PRKN: variants seen among roughly 807,000 people sequenced by gnomAD.
PRKN encodes the protein parkin RBR E3 ubiquitin protein ligase.
Under a neutral mutation model 59.5 loss-of-function variants are expected in PRKN, and 56 were observed. The observed-to-expected ratio is 0.94, with a 90% CI of 0.76 to 1.18. The LOEUF (loss-of-function observed/expected upper bound fraction) is 1.18, where lower values mean the gene tolerates loss of function less well. PRKN is among the 50% of genes most tolerant of loss of function. The pLI, the probability that PRKN is intolerant of heterozygous loss-of-function variation, is 0.00. For synonymous variants in PRKN, 250 were observed against 222.1 expected (o/e 1.13, Z -1.12); for missense variants, 657 against 596.4 (o/e 1.10, Z -1.06).
chr6:162,470,578 G>C (rs971233528), intron 1 of PRKN, among the ~76,000 whole-genome samples: 6 of 149,312 alleles, frequency 4.0e-5, no homozygotes. Flanking sequence ...GCAACACTGC[G>C]AAACTCTGTC....
At chr6:162,225,408 G>C (rs978498223) in intron 3 of PRKN, among the ~76,000 whole-genome samples, 1 of 152,196 alleles carries the variant, frequency 6.6e-6, no homozygotes, top group Non-Finnish European at 1.5e-5. Flanking sequence ...TGTTGAACTT[G>C]AGAAATTCAG....
chr6:161,427,035 T>C (rs896497193), intron 9 of PRKN, among the ~76,000 whole-genome samples: 3 of 151,998 alleles, frequency 2.0e-5, no homozygotes, highest in African/African-American at 7.3e-5. Context: ...CTTATATTTT[T>C]GAGACAGGGT....
At chr6:162,295,323 C>T (rs1235422672) in intron 2 of PRKN, among the ~76,000 whole-genome samples, 3 of 152,160 alleles carry the variant, frequency 2.0e-5, no homozygotes, top group Non-Finnish European at 4.4e-5. Flanking sequence ...ACCATTTATA[C>T]TGGGGTTTGA....
At chr6:161,898,363 C>T (rs77885177) in intron 6 of PRKN, among the ~76,000 whole-genome samples, 3,714 of 152,218 alleles carry the variant, frequency 0.024, 141 homozygotes, top group African/African-American at 0.085. Flanking sequence ...GAAGGTCCCA[C>T]GAGCAATAAT....
At chr6:161,424,744 G>C (rs1361192266) in intron 9 of PRKN, among the ~76,000 whole-genome samples, 1 of 152,132 alleles carries the variant, frequency 6.6e-6, no homozygotes, top group Non-Finnish European at 1.5e-5. Flanking sequence ...AGAGGATGTA[G>C]GCAAAACCAC....
chr6:161,749,596 A>G (rs1207262903), intron 7 of PRKN, among the ~76,000 whole-genome samples: 1 of 152,024 alleles, frequency 6.6e-6, no homozygotes, highest in Non-Finnish European at 1.5e-5. Context: ...TGTACCTCTT[A>G]TCATTAAGAG....
intron 1 of PRKN, among the ~76,000 whole-genome samples, chr6:162,704,202 T>C (rs1366085577): frequency 6.6e-6 from 1 of 152,146 alleles, no homozygotes; most frequent in African/African-American, 2.4e-5. Flanking sequence ...AGCAGGGGAC[T>C]ATACCACCAG....
In PRKN at chr6:161,411,753, T is replaced by TTCACTCATTCCTTCAC. The variant is rs555582879; in HGVS notation, c.1084-24892_1084-24877dup. On this transcript the variant is annotated intron_variant, in intron 9 of 11. Transcript: ENST00000366898. ...ATTCCTCCACTCAGTCATTCCTCCATTCACTCATTCCTTCACTCACTCATT... is the reference window on the plus strand; with the variant it reads ...ATTCCTCCACTCAGTCATTCCTCCATTCACTCATTCCTTCACTCACTCATTCCTTCACTCACTCATT... Among the ~76,000 whole-genome samples, 6 of 147,904 alleles carry TTCACTCATTCCTTCAC rather than the reference T, an allele frequency of 4.1e-5. No individual in the cohort carries two copies. The South Asian group carries it at 1.3e-3, about 33-fold the overall frequency.
intron 2 of PRKN, among the ~76,000 whole-genome samples, chr6:162,328,747 G>A (rs1407647956): frequency 6.6e-6 from 1 of 152,176 alleles, no homozygotes; most frequent in African/African-American, 2.4e-5. Flanking sequence ...CTCCAGGGAT[G>A]AGGAGAATGG....
intron 1 of PRKN, among the ~76,000 whole-genome samples, chr6:162,457,386 T>A (rs969290877): frequency 2.0e-5 from 3 of 152,152 alleles, no homozygotes; most frequent in Admixed American, 2.0e-4. Context: ...AAAACATTTT[T>A]AAAATGATGC....
rs1562455038 is a variant in PRKN at position 161,446,262 on chromosome 6, C to A, written c.1084-59385G>T. Among the ~76,000 whole-genome samples the A allele has an allele frequency of 6.6e-6, 1 of 152,122 alleles. No individual in the cohort carries two copies. The highest frequency in any genetic ancestry group is 1.5e-5 in the Non-Finnish European group (1 of 68,016). ...GGAGAAGGGATTTCTCTGATTTCTC[C>A]CTTTGGGAAGGGAGGCTTGGAGGCT... On this transcript the variant is annotated intron_variant, in intron 9 of 11. Transcript: ENST00000366898. The surrounding 1 kb of genome is among the most constrained non-coding windows in gnomAD (Gnocchi z 6.2).
At chr6:162,123,980 T>C (rs1290814152) in intron 4 of PRKN, among the ~76,000 whole-genome samples, 1 of 152,154 alleles carries the variant, frequency 6.6e-6, no homozygotes, top group East Asian at 1.9e-4. Flanking sequence ...TTCTTCTTCC[T>C]GTTGAGTTGA....
chr6:161,382,694 A>G (rs1786050088), intron 10 of PRKN, among the ~76,000 whole-genome samples: 1 of 152,248 alleles, frequency 6.6e-6, no homozygotes, highest in Non-Finnish European at 1.5e-5. Flanking sequence ...ATCTTCTGTC[A>G]CTGCTTTCCC....
At position 161,566,257 on chromosome 6, in the gene PRKN, G is replaced by C. The variant is rs1044892963; in HGVS notation, c.933+3098C>G. On this transcript the variant is annotated intron_variant, in intron 8 of 11. Coordinates refer to ENST00000366898, the MANE Select transcript of PRKN (RefSeq NM_004562.3). This position sits in a 1 kb window ranked among gnomAD's most constrained non-coding sequence, Gnocchi z 4.1. ...CACTGCCCATGGTCAAGGTTACCAA[G>C]GACCTCCACATTGTGGAGTCCAGTG... 6.6e-6 allele frequency among the ~76,000 whole-genome samples: 1 copy of C among 152,152 alleles called. No homozygotes were observed. The highest frequency in any genetic ancestry group is 2.4e-5 in the African/African-American group (1 of 41,436).
At chr6:162,148,821 T>C (rs1285359590) in intron 4 of PRKN, among the ~76,000 whole-genome samples, 1 of 152,082 alleles carries the variant, frequency 6.6e-6, no homozygotes, top group Non-Finnish European at 1.5e-5. Context: ...AGTTCAAGGA[T>C]GGGTAGAAAT....
chr6:161,742,658 C>T (rs1788237970), intron 7 of PRKN, among the ~76,000 whole-genome samples: 2 of 152,162 alleles, frequency 1.3e-5, no homozygotes, highest in Non-Finnish European at 2.9e-5. Context: ...CCTTGCTCAT[C>T]CCCTTCACTT....
chr6:162,229,450 C>A (rs1019954938), intron 3 of PRKN, among the ~76,000 whole-genome samples: 3 of 152,218 alleles, frequency 2.0e-5, no homozygotes, highest in African/African-American at 7.2e-5. Flanking sequence ...GAATCCATTA[C>A]CTGCATCCAT....
At chr6:162,577,445 C>T (rs1040344082) in intron 1 of PRKN, among the ~76,000 whole-genome samples, 12 of 151,658 alleles carry the variant, frequency 7.9e-5, no homozygotes, top group South Asian at 2.1e-4. Context: ...ACTAAAAATA[C>T]AAAAATTATT....
chr6:162,139,485 A>G (rs1781687696), intron 4 of PRKN, among the ~76,000 whole-genome samples: 1 of 152,164 alleles, frequency 6.6e-6, no homozygotes, highest in African/African-American at 2.4e-5. Flanking sequence ...GCTTATGAGG[A>G]CGTCGGGTGT....
Sources: allele counts gnomAD v4.1 joint callset (sites outside exome capture counted in the v4.1 genomes callset), GRCh38; gene constraint gnomAD v4.1.1; non-coding constraint Gnocchi (gnomAD v3.1); transcripts MANE v1.5; gene names NCBI Gene and HGNC (gene_info 2026-07-23, HGNC 2026-07-21).